The following NOTCH2 variants were observed in gnomAD, a reference collection of about 807,000 sequenced individuals.
NOTCH2 encodes the protein neurogenic locus notch homolog protein 2.
Under a neutral mutation model 235.8 loss-of-function variants are expected in NOTCH2, and 29 were observed. That is an observed-to-expected ratio of 0.12 (90% CI 0.09 to 0.17). The LOEUF is 0.17. NOTCH2 is among the 10% of genes least tolerant of loss of function. The probability of loss-of-function intolerance (pLI) is 1.00; values close to 1 mark genes in which losing one functional copy is unlikely to be tolerated. For missense variants in NOTCH2, 2,285 were observed against 3,150.2 expected (o/e 0.73, Z 6.57); for synonymous variants, 1,086 against 1,141.5 (o/e 0.95, Z 0.98).
intron 1 of NOTCH2, among the ~76,000 whole-genome samples, chr1:120,059,104 C>A (rs1655225252): frequency 9.0e-6 from 1 of 111,418 alleles, no homozygotes; most frequent in Admixed American, 9.2e-5. Context: ...GGCACAGAAA[C>A]AAAGACCAGT....
Position 119,916,175 on chromosome 1 carries a change from T to C in NOTCH2, c.6547A>G (p.Met2183Val), listed in dbSNP as rs748538625. The C allele has an allele frequency of 8.7e-6, 14 of 1,613,994 alleles. No homozygotes were observed. Among genetic ancestry groups the C allele is most frequent in the Admixed American group, 3.3e-5 (2 of 60,010 alleles). Residue 2183 changes from methionine (M) to valine (V), a missense_variant, in exon 34 of 34, where the codon ATG becomes GTG. Physicochemically the swap from Met to Val is conservative, Grantham distance 21 (BLOSUM62 1). Around this residue, in one of 6 missense-constraint regions of NOTCH2, gnomAD observed 504 missense variants for 538.0 expected, o/e 0.94. Transcript: ENST00000256646. ...GCAGGAGGGGCGGCAGTGGCCAACA[T>C]AGGGTTGGGTGAGGCCTGTAAGATC... ...PGILQASPNP[M>V]LATAAPPAPV...
intron 17 of NOTCH2, among the ~76,000 whole-genome samples, chr1:119,946,447 A>G (rs1650258168): frequency 1.3e-5 from 2 of 152,228 alleles, no homozygotes; most frequent in Middle Eastern, 3.4e-3. Context: ...TAAAAGGAAT[A>G]ACACATAATG....
At chr1:119,981,078 G>A (rs587614671) in intron 5 of NOTCH2, among the ~76,000 whole-genome samples, 8 of 152,180 alleles carry the variant, frequency 5.3e-5, no homozygotes, top group African/African-American at 1.9e-4. Context: ...TCTCGTCCCT[G>A]CCTGTATTCT....
At chr1:119,935,149 C>T (rs1429463546) in intron 22 of NOTCH2, 33 of 1,224,896 alleles carry the variant, frequency 2.7e-5, no homozygotes, top group Non-Finnish European at 3.1e-5. Context: ...CCATTAGTTG[C>T]TTTTCTGTGA....
chr1:119,942,751 T>A (rs1433597008), intron 17 of NOTCH2, among the ~76,000 whole-genome samples: 1 of 152,224 alleles, frequency 6.6e-6, no homozygotes, highest in African/African-American at 2.4e-5. Context: ...GAATGACATG[T>A]TACTTAATGT....
rs1648955635 is a variant in NOTCH2, at chr1:119,913,378, G to A, written c.*1928C>T. On this transcript the variant is annotated 3_prime_UTR_variant, in exon 34 of 34. Transcript: ENST00000256646. ...CCACCGACAGACAAATCAGGTAAGT[G>A]GGAAGCACTGATGCATACTTGCAGC... 1 of 233,252 alleles carries A rather than the reference G, an allele frequency of 4.3e-6. No individual in the cohort carries two copies. The allele number at this position is 233,252 out of a possible 1,614,324, so 14.4% of individuals were successfully genotyped here.
chr1:119,975,488 A>G (rs1651538300), intron 5 of NOTCH2, among the ~76,000 whole-genome samples: 1 of 152,082 alleles, frequency 6.6e-6, no homozygotes, highest in Non-Finnish European at 1.5e-5. Flanking sequence ...TTTACTAAAA[A>G]TACAAAAATT....
chr1:119,989,378 T>C (rs1255509162), intron 4 of NOTCH2, among the ~76,000 whole-genome samples: 2 of 151,680 alleles, frequency 1.3e-5, no homozygotes, highest in Non-Finnish European at 1.5e-5. Flanking sequence ...GGTAAAATTA[T>C]AAATCACTTA....
intron 21 of NOTCH2, 61 bp from the exon 22 acceptor site, chr1:119,935,665 G>C (rs920318932): frequency 6.4e-7 from 1 of 1,561,694 alleles, no homozygotes; most frequent in Non-Finnish European, 8.8e-7. Context: ...CAGACCATGA[G>C]AGCTAGTGAG....
At chr1:120,000,069 G>T (rs1652687002) in intron 3 of NOTCH2, among the ~76,000 whole-genome samples, 1 of 152,016 alleles carries the variant, frequency 6.6e-6, no homozygotes, top group Non-Finnish European at 1.5e-5. Context: ...CCTGAATTTG[G>T]TTTCCATATA....
rs781804379 is a variant in NOTCH2 at position 120,069,354 on chromosome 1, C to T, written c.53G>A (p.Cys18Tyr). 6.4e-7 allele frequency: 1 copy of T among 1,571,778 alleles called. No homozygotes were observed. Among genetic ancestry groups the T allele is most frequent in the South Asian group, 1.1e-5 (1 of 87,698 alleles). The change falls in exon 1 of 34, where the codon TGC becomes TAC. Residue 18 changes from cysteine to tyrosine, a missense_variant. This residue lies in a region of NOTCH2 where 37 missense variants were observed against 31.4 expected (regional missense o/e 1.18). Coordinates refer to ENST00000256646, the MANE Select transcript of NOTCH2 (RefSeq NM_024408.4). Reference sequence around the variant, plus strand: ...CTCACCATGCGCGGGGGCCGCGCAGCACAGCCAGAGCGCCAGCAGCGCCCA... The same window carrying T: ...CTCACCATGCGCGGGGGCCGCGCAGTACAGCCAGAGCGCCAGCAGCGCCCA... ...LLWALLALWL[C>Y]CAAPAHALQC... is the part of the protein sequence containing the mutation.
intron 15 of NOTCH2, 67 bp from the exon 16 acceptor site, chr1:119,949,193 A>T (rs1650369026): frequency 2.6e-6 from 4 of 1,550,634 alleles, no homozygotes; most frequent in Non-Finnish European, 3.6e-6. Flanking sequence ...TCCTTATCCC[A>T]AGGATGTTCT....
chr1:119,967,412 C>T (rs374958487), intron 8 of NOTCH2, 21 bp downstream of exon 8: 1 of 1,611,446 alleles, frequency 6.2e-7, no homozygotes, highest in Non-Finnish European at 8.5e-7. Flanking sequence ...CTAGACCCAA[C>T]ATGCTGATGG....
intron 5 of NOTCH2, among the ~76,000 whole-genome samples, chr1:119,985,524 C>G (rs781830604): frequency 1.3e-5 from 2 of 152,140 alleles, no homozygotes; most frequent in Admixed American, 6.5e-5. Context: ...CGAACAAAAA[C>G]CAGCAACAAT....
intron 5 of NOTCH2, among the ~76,000 whole-genome samples, chr1:119,980,065 A>G (rs1449608919): frequency 6.6e-6 from 1 of 152,192 alleles, no homozygotes; most frequent in African/African-American, 2.4e-5. Context: ...GTCTCGCATG[A>G]TATCAACATC....
chr1:119,927,048 T>C (rs1003206165), intron 23 of NOTCH2, among the ~76,000 whole-genome samples: 2 of 152,196 alleles, frequency 1.3e-5, no homozygotes, highest in Non-Finnish European at 2.9e-5. Context: ...TGATTTGCGG[T>C]ATAGAGAATT....
intron 2 of NOTCH2, among the ~76,000 whole-genome samples, chr1:120,006,087 T>A (rs1355184257): frequency 6.6e-6 from 1 of 152,120 alleles, no homozygotes; most frequent in African/African-American, 2.4e-5. Context: ...TTTCCTCAAT[T>A]AAGCATTGAG....
At position 120,069,397 on chromosome 1, in the gene NOTCH2, G is replaced by A. The variant is rs782725828; in HGVS notation, c.10C>T (p.Leu4=). The change falls in exon 1 of 34, where the codon CTG becomes TTG. Residue 4 remains leucine, a synonymous_variant. Transcript: ENST00000256646. MPA[L]RPALLWALLA... is the part of the protein sequence containing the mutation. ...AGCGCCCACAGCAGAGCGGGGCGCA[G>A]GGCGGGCATCTTCTCGGTCGCCTCC... The A allele has an allele frequency of 1.4e-5, 21 of 1,548,458 alleles. No individual in the cohort carries two copies. The highest frequency in any genetic ancestry group is 1.9e-5 in the Admixed American group (1 of 54,038).
intron 4 of NOTCH2, among the ~76,000 whole-genome samples, chr1:119,989,368 G>A (rs1652143534): frequency 6.6e-6 from 1 of 151,604 alleles, no homozygotes; most frequent in Non-Finnish European, 1.5e-5. Flanking sequence ...AAAGGTAGGT[G>A]GTAAAATTAT....
Sources: allele counts gnomAD v4.1 joint callset (sites outside exome capture counted in the v4.1 genomes callset), GRCh38; gene constraint gnomAD v4.1.1; regional missense constraint gnomAD v4.1.1; transcripts MANE v1.5; gene names NCBI Gene and HGNC (gene_info 2026-07-23, HGNC 2026-07-21).